Variants in ENTREP2 observed in about 807,000 individuals in gnomAD.
ENTREP2 encodes the protein protein ENTREP2.
the ENTREP2 span, among the ~76,000 whole-genome samples, chr15:29,322,126 T>G: frequency 6.6e-6 from 1 of 152,204 alleles, no homozygotes; most frequent in African/African-American, 2.4e-5. Context: ...CTTATTTTTT[T>G]AAAAATTTGA....
At chr15:29,553,828 C>T in the ENTREP2 span, among the ~76,000 whole-genome samples, 1 of 152,122 alleles carries the variant, frequency 6.6e-6, no homozygotes, top group Non-Finnish European at 1.5e-5. Context: ...CCCACCCTGT[C>T]GAGTCCTCAG....
At chr15:29,473,401 C>A in the ENTREP2 span, among the ~76,000 whole-genome samples, 1 of 152,048 alleles carries the variant, frequency 6.6e-6, no homozygotes, top group Non-Finnish European at 1.5e-5. Flanking sequence ...AGCTGCAGTT[C>A]CCCCCATGTA....
the ENTREP2 span, among the ~76,000 whole-genome samples, chr15:29,552,002 C>T: frequency 6.6e-6 from 1 of 152,150 alleles, no homozygotes; most frequent in South Asian, 2.1e-4. Flanking sequence ...AAGCAAGAAA[C>T]CCTTCCCTGT....
At chr15:29,505,034 A>C in the ENTREP2 span, among the ~76,000 whole-genome samples, 1 of 152,270 alleles carries the variant, frequency 6.6e-6, no homozygotes, top group Non-Finnish European at 1.5e-5. This position sits in a 1 kb window ranked among gnomAD's most constrained non-coding sequence, Gnocchi z 4.3. Context: ...AAAATGTCCA[A>C]CAACTGTTTG....
chr15:29,174,702 C>CAA, the ENTREP2 span, among the ~76,000 whole-genome samples: 26 of 115,968 alleles, frequency 2.2e-4, no homozygotes, highest in South Asian at 7.0e-3. Context: ...CAAAACAAAA[C>CAA]AAAACAACAA....
the ENTREP2 span, among the ~76,000 whole-genome samples, chr15:29,200,262 G>A: frequency 3.7e-4 from 56 of 151,956 alleles, no homozygotes; most frequent in African/African-American, 1.3e-3. Flanking sequence ...TGCAACCTCC[G>A]CCTCCCGGGT....
chr15:29,255,843 T>C, the ENTREP2 span, among the ~76,000 whole-genome samples: 1 of 151,814 alleles, frequency 6.6e-6, no homozygotes, highest in Non-Finnish European at 1.5e-5. Context: ...CTACTAAAAA[T>C]ACAAAAAGTT....
the ENTREP2 span, among the ~76,000 whole-genome samples, chr15:29,179,887 G>T: frequency 2.0e-5 from 3 of 152,074 alleles, no homozygotes; most frequent in African/African-American, 7.2e-5. Flanking sequence ...GCCCAGCCAG[G>T]GCTGGAGTCT....
At chr15:29,328,708 G>A in the ENTREP2 span, among the ~76,000 whole-genome samples, 3 of 152,272 alleles carry the variant, frequency 2.0e-5, no homozygotes, top group Admixed American at 2.0e-4. Flanking sequence ...GATGGCAGAT[G>A]GTGAGAACCA....
the ENTREP2 span, among the ~76,000 whole-genome samples, chr15:29,395,032 G>A: frequency 6.0e-5 from 9 of 149,840 alleles, 1 homozygote; most frequent in South Asian, 8.7e-4. Context: ...GGCTACAGGC[G>A]CCCACCACCA....
At chr15:29,361,733 G>A in the ENTREP2 span, among the ~76,000 whole-genome samples, 1 of 152,120 alleles carries the variant, frequency 6.6e-6, no homozygotes, top group Non-Finnish European at 1.5e-5. Flanking sequence ...TGTCCTTTAT[G>A]TATCCAGGAC....
At chr15:29,137,601 G>A in the ENTREP2 span, among the ~76,000 whole-genome samples, 4 of 152,250 alleles carry the variant, frequency 2.6e-5, no homozygotes, top group South Asian at 2.1e-4. Flanking sequence ...TTGTGAGGCC[G>A]AGGCGGGTGG....
chr15:29,656,314 C>T, the ENTREP2 span, among the ~76,000 whole-genome samples: 550 of 152,136 alleles, frequency 3.6e-3, 1 homozygote, highest in Non-Finnish European at 4.4e-3. Context: ...CAACCTCCAC[C>T]TCGCAGCTTT....
the ENTREP2 span, among the ~76,000 whole-genome samples, chr15:29,536,173 G>A: frequency 1.9e-4 from 29 of 152,250 alleles, no homozygotes; most frequent in East Asian, 2.5e-3. Context: ...ACCACTGAGG[G>A]GAAGTCTGGT....
the ENTREP2 span, among the ~76,000 whole-genome samples, chr15:29,384,079 C>T: frequency 7.2e-5 from 11 of 152,142 alleles, no homozygotes; most frequent in African/African-American, 2.7e-4. Context: ...CTCTCTCTTG[C>T]CTTCTGTACC....
At chr15:29,491,964 A>G in the ENTREP2 span, among the ~76,000 whole-genome samples, 1 of 152,314 alleles carries the variant, frequency 6.6e-6, no homozygotes, top group Non-Finnish European at 1.5e-5. Flanking sequence ...GAAAAGCTCA[A>G]ACACTCAGGA....
At chr15:29,170,569 C>T in the ENTREP2 span, among the ~76,000 whole-genome samples, 1 of 151,810 alleles carries the variant, frequency 6.6e-6, no homozygotes, top group Non-Finnish European at 1.5e-5. Context: ...CCAACAAAGA[C>T]CACAACAAGA....
the ENTREP2 span, among the ~76,000 whole-genome samples, chr15:29,620,541 G>C: frequency 6.6e-6 from 1 of 152,052 alleles, no homozygotes; most frequent in African/African-American, 2.4e-5. Context: ...GGGAGGCTGA[G>C]GCAGGAGGAT....
At chr15:29,246,973 GCACA>G in the ENTREP2 span, among the ~76,000 whole-genome samples, 2,513 of 137,070 alleles carry the variant, frequency 0.018, 36 homozygotes, top group African/African-American at 0.039. Context: ...GACTGGAAAG[GCACA>G]CACACACACA....
Sources: allele counts gnomAD v4.1 joint callset (sites outside exome capture counted in the v4.1 genomes callset), GRCh38; gene constraint gnomAD v4.1.1; non-coding constraint Gnocchi (gnomAD v3.1); transcripts MANE v1.5; gene names NCBI Gene and HGNC (gene_info 2026-07-23, HGNC 2026-07-21).